Variants in CADM1 observed in about 807,000 individuals in gnomAD.
CADM1 encodes cell adhesion molecule 1.
In CADM1, 15 loss-of-function variants were observed where a neutral mutation model predicts 53.1. The observed-to-expected ratio is 0.28, with a 90% CI of 0.19 to 0.44. The LOEUF is 0.44. Among genes scored for constraint, CADM1 ranks in the 20% least tolerant of loss-of-function variants. The pLI, the probability that CADM1 is intolerant of heterozygous loss-of-function variation, is 1.00. For missense variants in CADM1, 434 were observed against 611.3 expected (o/e 0.71, Z 3.06); for synonymous variants, 281 against 243.0 (o/e 1.16, Z -1.45).
chr11:115,329,983 T>C (rs935540104), intron 1 of CADM1, among the ~76,000 whole-genome samples: 2 of 150,994 alleles, frequency 1.3e-5, no homozygotes, highest in African/African-American at 4.9e-5. Flanking sequence ...TCTGCTCTTC[T>C]GCTTGTGGAG....
At chr11:115,334,510 C>T (rs889197563) in intron 1 of CADM1, among the ~76,000 whole-genome samples, 1 of 151,696 alleles carries the variant, frequency 6.6e-6, no homozygotes, top group African/African-American at 2.4e-5. Flanking sequence ...ACCACATTCA[C>T]ATAACTTTTA....
rs577855046 is a variant in CADM1 at position 115,503,566 on chromosome 11, C to A, written c.124+705G>T. On this transcript the variant is annotated intron_variant, in intron 1 of 11. Transcript: ENST00000331581. ...CAGAGGCGGCGACAGCGGCCGCCCCCCCCGCGGGGCCGGGCCGGGGAACTT... is the reference window on the plus strand; with the variant it reads ...CAGAGGCGGCGACAGCGGCCGCCCCACCCGCGGGGCCGGGCCGGGGAACTT... Among the ~76,000 whole-genome samples the A allele has an allele frequency of 1.1e-3, 163 of 152,252 alleles. 6 individuals carry two copies. The South Asian group carries it at 0.033, about 31-fold the overall frequency.
At chr11:115,228,341 G>A (rs532110000) in intron 5 of CADM1, among the ~76,000 whole-genome samples, 1 of 152,230 alleles carries the variant, frequency 6.6e-6, no homozygotes, top group Non-Finnish European at 1.5e-5. Flanking sequence ...GATTCACAAA[G>A]GGTAAAGCTT....
At chr11:115,395,266 C>T (rs1190092783) in intron 1 of CADM1, among the ~76,000 whole-genome samples, 1 of 152,160 alleles carries the variant, frequency 6.6e-6, no homozygotes, top group African/African-American at 2.4e-5. Flanking sequence ...AGAAAACAAA[C>T]AAATTCTTCT....
At position 115,504,329 on chromosome 11, in the gene CADM1, G is replaced by A. The variant is rs1276923115; in HGVS notation, c.66C>T (p.Pro22=). 27 of 1,551,628 alleles carry A rather than the reference G, an allele frequency of 1.7e-5. No individual in the cohort carries two copies. Among genetic ancestry groups the A allele is most frequent in the Non-Finnish European group, 2.3e-5 (26 of 1,148,066 alleles). ...CAAAAAAAAP[P]GLRLRLLLLL... ...ACAGCAGAAGCCGGAGCCGGAGCCC[G>A]GGAGGCGCCGCCGCCGCCGCTGCCG... The change falls in exon 1 of 12, where the codon CCC becomes CCT. Residue 22 remains proline, a synonymous_variant. Coordinates refer to ENST00000331581, the MANE Select transcript of CADM1 (RefSeq NM_001301043.2).
chr11:115,208,447 T>A (rs1940800255), intron 8 of CADM1, among the ~76,000 whole-genome samples: 1 of 152,114 alleles, frequency 6.6e-6, no homozygotes, highest in Non-Finnish European at 1.5e-5. Flanking sequence ...GTCTCTAGCA[T>A]GTCAATGAAA....
At chr11:115,266,530 A>T (rs1943145774) in intron 1 of CADM1, among the ~76,000 whole-genome samples, 1 of 152,216 alleles carries the variant, frequency 6.6e-6, no homozygotes. Flanking sequence ...AGCAAGATGT[A>T]CACTGAGTGT....
chr11:115,283,818 C>T (rs1943649393), intron 1 of CADM1, among the ~76,000 whole-genome samples: 2 of 152,144 alleles, frequency 1.3e-5, no homozygotes, highest in South Asian at 4.2e-4. Flanking sequence ...TAGTGTCTAC[C>T]ATGCTGCTGT....
chr11:115,240,450 A>G (rs1334581157), intron 1 of CADM1, 30 bp from the exon 2 acceptor site: 2 of 1,612,054 alleles, frequency 1.2e-6, no homozygotes, highest in African/African-American at 2.7e-5. Context: ...AGGTCAGAGG[A>G]AAATTTCCAT....
chr11:115,248,326 C>T (rs1408329727), intron 1 of CADM1, among the ~76,000 whole-genome samples: 3 of 152,296 alleles, frequency 2.0e-5, no homozygotes, highest in African/African-American at 4.8e-5. Context: ...ACATTAGCTG[C>T]CTTCCCTTTA....
intron 10 of CADM1, among the ~76,000 whole-genome samples, chr11:115,179,813 T>TA (rs1939225629): frequency 1.3e-5 from 2 of 152,138 alleles, no homozygotes; most frequent in South Asian, 4.1e-4. Flanking sequence ...ACAGAAACGG[T>TA]AAAAATCTTT....
At chr11:115,435,782 T>A (rs192821361) in intron 1 of CADM1, among the ~76,000 whole-genome samples, 6 of 152,290 alleles carry the variant, frequency 3.9e-5, no homozygotes, top group African/African-American at 1.4e-4. Context: ...CAAGCTTTTA[T>A]GTATTTCCTA....
At chr11:115,267,410 G>T (rs1305310633) in intron 1 of CADM1, among the ~76,000 whole-genome samples, 2 of 152,164 alleles carry the variant, frequency 1.3e-5, no homozygotes, top group Admixed American at 6.5e-5. Context: ...TCTCAGACGA[G>T]GCCAGCCAGT....
chr11:115,502,183 T>A (rs545306940), intron 1 of CADM1, among the ~76,000 whole-genome samples: 1 of 152,140 alleles, frequency 6.6e-6, no homozygotes, highest in Non-Finnish European at 1.5e-5. Context: ...TATAGTACCG[T>A]TGCTACTACC....
At chr11:115,300,714 G>A (rs181644192) in intron 1 of CADM1, among the ~76,000 whole-genome samples, 1 of 152,142 alleles carries the variant, frequency 6.6e-6, no homozygotes, top group Non-Finnish European at 1.5e-5. Context: ...CTATGAAATG[G>A]AAAGACAACA....
intron 1 of CADM1, among the ~76,000 whole-genome samples, chr11:115,331,394 T>C (rs1422193010): frequency 6.6e-6 from 1 of 152,148 alleles, no homozygotes; most frequent in Non-Finnish European, 1.5e-5. Context: ...CACATTTCCA[T>C]TCTGAAAGCC....
intron 9 of CADM1, among the ~76,000 whole-genome samples, chr11:115,191,304 G>C (rs1317475635): frequency 6.6e-6 from 1 of 152,138 alleles, no homozygotes; most frequent in African/African-American, 2.4e-5. Flanking sequence ...GTTACATACT[G>C]ATGTATGTAC....
chr11:115,325,448 A>T (rs899132258), intron 1 of CADM1, among the ~76,000 whole-genome samples: 1 of 152,226 alleles, frequency 6.6e-6, no homozygotes, highest in African/African-American at 2.4e-5. Context: ...TGGAGGGCAT[A>T]CACAAGCAAC....
intron 1 of CADM1, among the ~76,000 whole-genome samples, chr11:115,307,515 A>ATATAT (rs1045833980): frequency 4.2e-5 from 5 of 117,804 alleles, no homozygotes; most frequent in South Asian, 3.5e-4. Context: ...CAGGAAAAAA[A>ATATAT]AAATATATAT....
Sources: gnomAD v4.1 joint callset for allele counts (sites outside exome capture counted in the v4.1 genomes callset) on GRCh38, gnomAD v4.1.1 for gene constraint, MANE v1.5 for transcripts, NCBI Gene and HGNC (gene_info 2026-07-23, HGNC 2026-07-21) for gene names.